OMD: variants seen among roughly 807,000 people sequenced by gnomAD.
OMD encodes KSPG osteomodulin.
OMD carries 19 observed loss-of-function variants against 31.2 expected under a neutral mutation model. That is an observed-to-expected ratio of 0.61 (90% CI 0.42 to 0.89). The LOEUF (loss-of-function observed/expected upper bound fraction) is 0.89, where lower values mean the gene tolerates loss of function less well. Ranked by LOEUF, OMD falls within the 40% of genes least tolerant of loss-of-function variation. OMD has a pLI of 0.00. For missense variants in OMD, 448 were observed against 490.8 expected (o/e 0.91, Z 0.82); for synonymous variants, 155 against 166.4 (o/e 0.93, Z 0.53).
rs1843636079 is a variant in OMD, at chr9:92,417,043, A to G, written c.516T>C (p.Asn172=). ...KSLERLLLGY[N]EISKLQTNAM... ...CATTTGTCTGCAGTTTGGAGATTTC[A>G]TTGTAACCAAGAAGGAGTCTTTCCA... Residue 172 remains asparagine, a synonymous_variant, in exon 2 of 3, where the codon AAT becomes AAC. Transcript: ENST00000375550. 3 of 1,614,074 alleles carry G rather than the reference A, an allele frequency of 1.9e-6. No individual in the cohort carries two copies. The highest frequency in any genetic ancestry group is 4.5e-5 in the East Asian group (2 of 44,848).
intron 1 of OMD, among the ~76,000 whole-genome samples, chr9:92,417,930 G>A: frequency 6.6e-6 from 1 of 151,914 alleles, no homozygotes. Flanking sequence ...GTTTCGTTGT[G>A]TTGCCCAAGC....
At position 92,416,041 on chromosome 9, in the gene OMD, ATATAT is replaced by A. The variant is rs1428416205; in HGVS notation, c.941-569_941-565del. Among the ~76,000 whole-genome samples, 558 of 107,170 alleles carry A rather than the reference ATATAT, an allele frequency of 5.2e-3. 3 individuals are homozygous for A. Among genetic ancestry groups the A allele is most frequent in the African/African-American group, 0.013 (431 of 34,402 alleles). The allele number at this position is 107,170 out of a possible 152,430, so 70.3% of individuals were successfully genotyped here. A position where few individuals can be genotyped will look rare whatever the true frequency, so the allele number is the denominator to read the frequency against. ...ATATATATTTTTTATATATAAATAA[ATATAT>A]TATATATGTGTGTATATATATATAT... On this transcript the variant is annotated intron_variant, in intron 2 of 2. Transcript: ENST00000375550.
intron 2 of OMD, 87 bp from the exon 3 acceptor site, chr9:92,415,564 T>C (rs976771626): frequency 2.5e-5 from 15 of 594,030 alleles, no homozygotes; most frequent in Non-Finnish European, 3.6e-5. Context: ...TTATATTGTA[T>C]GGGATATAAT....
intron 1 of OMD, 137 bp from the exon 2 acceptor site, chr9:92,417,711 C>T (rs1029333106): frequency 7.3e-6 from 4 of 548,204 alleles, no homozygotes; most frequent in Middle Eastern, 4.9e-4. Context: ...ATGGGCAGTG[C>T]TCAAACCAAA....
chr9:92,420,915 GGAA>G (rs1436447058), intron 1 of OMD, among the ~76,000 whole-genome samples: 8 of 152,100 alleles, frequency 5.3e-5, no homozygotes, highest in African/African-American at 1.7e-4. Context: ...AGGGAAGTGA[GGAA>G]GAAGATCTCT....
rs1268369010 is a variant in OMD, at chr9:92,415,005, A to T, written c.*147T>A. 1.8e-6 allele frequency: 1 copy of T among 551,428 alleles called. No individual in the cohort carries two copies. Among genetic ancestry groups the T allele is most frequent in the East Asian group, 3.1e-5 (1 of 32,018 alleles). The allele number at this position is 551,428 out of a possible 1,614,324, so 34.2% of individuals were successfully genotyped here. A position where few individuals can be genotyped will look rare whatever the true frequency, so the allele number is the denominator to read the frequency against. On this transcript the variant is annotated 3_prime_UTR_variant, in exon 3 of 3. Coordinates refer to ENST00000375550, the MANE Select transcript of OMD (RefSeq NM_005014.3). ...GTTCTAATCCTATGAAATGATGCAG[A>T]TGTCACCAACAACTTAAATTCAATT... is the stretch of plus-strand genomic sequence containing the variant.
At chr9:92,417,875 T>G (rs1843666537) in intron 1 of OMD, among the ~76,000 whole-genome samples, 1 of 151,742 alleles carries the variant, frequency 6.6e-6, no homozygotes, top group Admixed American at 6.6e-5. Context: ...TACAGGTGCA[T>G]GCCACTATGC....
chr9:92,414,559 T>G lies in OMD; in HGVS notation c.*593A>C, dbSNP rs41278685. 1.6e-3 allele frequency: 345 copies of G among 209,758 alleles called. 1 individual carries two copies. Among genetic ancestry groups the G allele is most frequent in the Non-Finnish European group, 2.9e-3 (299 of 103,262 alleles). The allele number at this position is 209,758 out of a possible 1,614,324, so 13.0% of individuals were successfully genotyped here. ...TTGTGAATCTGTATGCCTTGGGTCC[T>G]TAGTACCTGGATGGCCTCTTACAAA... is the stretch of plus-strand genomic sequence containing the variant. On this transcript the variant is annotated 3_prime_UTR_variant, in exon 3 of 3. Coordinates refer to ENST00000375550, the MANE Select transcript of OMD (RefSeq NM_005014.3).
rs1221376410 is a variant in OMD, at chr9:92,416,710, T to C, written c.849A>G (p.Val283=). 4 of 1,613,356 alleles carry C rather than the reference T, an allele frequency of 2.5e-6. No homozygotes were observed. The highest frequency in any genetic ancestry group is 2.5e-6 in the Non-Finnish European group (3 of 1,179,524). The change falls in exon 2 of 3, where the codon GTA becomes GTG. Residue 283 remains valine, a synonymous_variant. Coordinates refer to ENST00000375550, the MANE Select transcript of OMD (RefSeq NM_005014.3). ...PYNIFNLPNI[V]ELSVGHNKLK... ...ATTTGTTGTGTCCAACACTGAGTTCTACAATGTTGGGAAGATTAAAAATAT... is the reference window on the plus strand; with the variant it reads ...ATTTGTTGTGTCCAACACTGAGTTCCACAATGTTGGGAAGATTAAAAATAT...
rs769093836 is a variant in OMD at position 92,417,504 on chromosome 9, G to A, written c.55C>T (p.His19Tyr). 6.2e-7 allele frequency: 1 copy of A among 1,611,608 alleles called. No individual in the cohort carries two copies. The highest frequency in any genetic ancestry group is 1.1e-5 in the South Asian group (1 of 90,676). Residue 19 changes from histidine (H) to tyrosine (Y), a missense_variant, in exon 2 of 3, where the codon CAT (histidine) becomes TAT (tyrosine). By Grantham distance (83) the His-to-Tyr change is moderately conservative. Coordinates refer to ENST00000375550, the MANE Select transcript of OMD (RefSeq NM_005014.3). ...CACTGATAAGTTTCATATTGGCAAT[G>A]TACTTTGACTCCAAAAAAGAAGAAA... ...VIFFFFGVKVHCQYETYQWDE... is the reference protein window; with the variant it reads ...VIFFFFGVKVYCQYETYQWDE...
intron 2 of OMD, among the ~76,000 whole-genome samples, chr9:92,415,829 T>G (rs994616543): frequency 3.4e-5 from 5 of 146,494 alleles, no homozygotes; most frequent in African/African-American, 1.2e-4. Context: ...AACTGACAAT[T>G]TATACATATA....
intron 1 of OMD, among the ~76,000 whole-genome samples, chr9:92,420,139 A>G (rs1259259026): frequency 1.3e-5 from 2 of 152,056 alleles, no homozygotes; most frequent in African/African-American, 2.4e-5. Context: ...CTTTTCTATT[A>G]CTGGAACCCT....
intron 1 of OMD, among the ~76,000 whole-genome samples, chr9:92,423,229 C>G (rs1407764923): frequency 1.3e-5 from 2 of 151,918 alleles, no homozygotes; most frequent in South Asian, 4.2e-4. Context: ...AGGAAAAGAA[C>G]AAATGTGAAA....
Position 92,420,823 on chromosome 9 carries a change from C to CCGTTTTTCTTTCTTTTCTGTG in OMD, c.-16-3250_-16-3249insCACAGAAAAGAAAGAAAAACG, listed in dbSNP as rs879602544. Among the ~76,000 whole-genome samples the CCGTTTTTCTTTCTTTTCTGTG allele has an allele frequency of 9.7e-3, 1,478 of 151,958 alleles. 13 individuals are homozygous for CCGTTTTTCTTTCTTTTCTGTG. The highest frequency in any genetic ancestry group is 0.017 in the Non-Finnish European group (1,122 of 67,966). On this transcript the variant is annotated intron_variant, in intron 1 of 2. Coordinates refer to ENST00000375550, the MANE Select transcript of OMD (RefSeq NM_005014.3). Reference sequence around the variant, plus strand: ...TTCTTTGTGCAACTCTATATTACATCCATTTTTCTTTCTTTTCTGTGAGAT... The same window carrying CCGTTTTTCTTTCTTTTCTGTG: ...TTCTTTGTGCAACTCTATATTACATCCGTTTTTCTTTCTTTTCTGTGCATTTTTCTTTCTTTTCTGTGAGAT...
Position 92,416,646 on chromosome 9 carries a change from G to T in OMD, c.913C>A (p.Leu305Ile), listed in dbSNP as rs2130958958. ...AFYIPRNLEHLYLQNNEIEKM... is the reference protein window; with the variant it reads ...AFYIPRNLEHIYLQNNEIEKM... Reference sequence around the variant, plus strand: ...TCTATTTCATTATTTTGTAGGTATAGGTGTTCCAAATTTCTTGGAATATAG... The same window carrying T: ...TCTATTTCATTATTTTGTAGGTATATGTGTTCCAAATTTCTTGGAATATAG... The change falls in exon 2 of 3, where the codon CTA (leucine) becomes ATA (isoleucine). Residue 305 changes from leucine (L) to isoleucine (I), a missense_variant. Leu to Ile is a conservative substitution (Grantham distance 5). Coordinates refer to ENST00000375550, the MANE Select transcript of OMD (RefSeq NM_005014.3). The T allele has an allele frequency of 6.3e-7, 1 of 1,593,882 alleles. No homozygotes were observed. The highest frequency in any genetic ancestry group is 8.6e-7 in the Non-Finnish European group (1 of 1,169,484).
Position 92,413,061 on chromosome 9 carries a change from C to G in OMD, c.*2091G>C, listed in dbSNP as rs149441046. ...GTGCAATGGCATGGTCTTGGCTCACCGCAACTTCTGCCTCTTGGGTTTAGG... is the reference window on the plus strand; with the variant it reads ...GTGCAATGGCATGGTCTTGGCTCACGGCAACTTCTGCCTCTTGGGTTTAGG... On this transcript the variant is annotated 3_prime_UTR_variant, in exon 3 of 3. Coordinates refer to ENST00000375550, the MANE Select transcript of OMD (RefSeq NM_005014.3). Among the ~76,000 whole-genome samples, 1 of 148,332 alleles carries G rather than the reference C, an allele frequency of 6.7e-6. No individual in the cohort carries two copies. The highest frequency in any genetic ancestry group is 2.0e-4 in the East Asian group (1 of 5,052).
Position 92,416,879 on chromosome 9 carries a change from A to G in OMD, c.680T>C (p.Met227Thr), listed in dbSNP as rs1437444688. 6 of 1,614,024 alleles carry G rather than the reference A, an allele frequency of 3.7e-6. No individual in the cohort carries two copies. The highest frequency in any genetic ancestry group is 5.1e-6 in the Non-Finnish European group (6 of 1,179,956). Residue 227 changes from methionine to threonine, a missense_variant, in exon 2 of 3, where the codon ATG (methionine) becomes ACG (threonine). Transcript: ENST00000375550. ...AAGTGAAGAAGGCAAACCAGGAGGC[A>G]TTGATTCTAATCTGTTACTGCAGAG... ...LNLCSNRLES[M>T]PPGLPSSLMY...
At chr9:92,416,067 TA>T (rs1224262844) in intron 2 of OMD, among the ~76,000 whole-genome samples, 3 of 99,226 alleles carry the variant, frequency 3.0e-5, no homozygotes, top group African/African-American at 8.7e-5. Context: ...TGTATATATA[TA>T]TATTTATTTA....
chr9:92,423,074 A>G (rs1254826088), intron 1 of OMD, among the ~76,000 whole-genome samples: 3 of 152,128 alleles, frequency 2.0e-5, no homozygotes, highest in Non-Finnish European at 4.4e-5. Flanking sequence ...CTCTCTACTA[A>G]TGTTGATTAT....
Sources: gnomAD v4.1 joint callset for allele counts (sites outside exome capture counted in the v4.1 genomes callset) on GRCh38, gnomAD v4.1.1 for gene constraint, MANE v1.5 for transcripts, NCBI Gene and HGNC (gene_info 2026-07-23, HGNC 2026-07-21) for gene names.